PABPC4L: variants seen among roughly 807,000 people sequenced by gnomAD.
PABPC4L encodes polyadenylate-binding protein 4-like.
For missense variants in PABPC4L, 452 were observed against 451.4 expected, an observed-to-expected ratio of 1.00 and a Z score of -0.01; for synonymous variants, 169 against 164.1, an observed-to-expected ratio of 1.03 and a Z score of -0.23.
the PABPC4L span, among the ~76,000 whole-genome samples, chr4:134,015,596 C>G: frequency 6.6e-6 from 1 of 152,128 alleles, no homozygotes. Flanking sequence ...TGTTACCTAT[C>G]TCGGCATAAT....
the PABPC4L span, among the ~76,000 whole-genome samples, chr4:134,122,648 T>C: frequency 6.6e-6 from 1 of 151,968 alleles, no homozygotes; most frequent in South Asian, 2.1e-4. Flanking sequence ...TAAAACAAAC[T>C]TGATAGCATT....
the PABPC4L span, among the ~76,000 whole-genome samples, chr4:134,057,235 C>T: frequency 6.6e-6 from 1 of 152,154 alleles, no homozygotes; most frequent in South Asian, 2.1e-4. Context: ...AGAGAAGCCT[C>T]TGAGCCTTTT....
chr4:133,960,714 C>T, the PABPC4L span, among the ~76,000 whole-genome samples: 3 of 152,088 alleles, frequency 2.0e-5, no homozygotes, highest in Admixed American at 6.5e-5. Flanking sequence ...ACAGACTTGG[C>T]TGTTAGGGGG....
At chr4:134,130,989 C>T in the PABPC4L span, among the ~76,000 whole-genome samples, 5 of 152,042 alleles carry the variant, frequency 3.3e-5, no homozygotes, top group African/African-American at 7.2e-5. Context: ...CAAAATACAT[C>T]ATCCCTTTAT....
chr4:134,072,067 T>C, the PABPC4L span, among the ~76,000 whole-genome samples: 1 of 152,114 alleles, frequency 6.6e-6, no homozygotes, highest in African/African-American at 2.4e-5. Flanking sequence ...TTCTAGGGCC[T>C]GCAAAATTAG....
the PABPC4L span, among the ~76,000 whole-genome samples, chr4:133,980,578 C>T: frequency 2.0e-5 from 3 of 152,084 alleles, no homozygotes; most frequent in Non-Finnish European, 4.4e-5. Context: ...TAGTTACTGG[C>T]TTGTCCAATA....
chr4:134,133,126 CATATTACATAT>C, the PABPC4L span, among the ~76,000 whole-genome samples: 1 of 16,566 alleles, frequency 6.0e-5, no homozygotes, highest in African/African-American at 6.5e-4. Flanking sequence ...TATAATATAT[CATATTACATAT>C]AATTATATAT....
chr4:134,020,540 G>T, the PABPC4L span, among the ~76,000 whole-genome samples: 1 of 151,958 alleles, frequency 6.6e-6, no homozygotes, highest in African/African-American at 2.4e-5. Flanking sequence ...AACTTTCTGG[G>T]GAGGGAAACC....
chr4:134,088,637 C>T, the PABPC4L span, among the ~76,000 whole-genome samples: 1 of 152,026 alleles, frequency 6.6e-6, no homozygotes, highest in East Asian at 1.9e-4. Context: ...GGTTTGTTTT[C>T]TGCTCTTCCT....
the PABPC4L span, among the ~76,000 whole-genome samples, chr4:133,998,897 T>C: frequency 6.6e-6 from 1 of 152,030 alleles, no homozygotes; most frequent in Non-Finnish European, 1.5e-5. Context: ...CTAAGTTGCT[T>C]GGGTAAACAT....
the PABPC4L span, among the ~76,000 whole-genome samples, chr4:134,036,460 T>C: frequency 2.0e-5 from 3 of 152,152 alleles, no homozygotes; most frequent in African/African-American, 7.2e-5. Context: ...GCAAGAAATT[T>C]CAGTAAATCA....
chr4:134,099,880 C>G, the PABPC4L span, among the ~76,000 whole-genome samples: 3 of 151,672 alleles, frequency 2.0e-5, no homozygotes, highest in Non-Finnish European at 4.4e-5. Context: ...AACACCTATC[C>G]AGTTTCAATT....
At chr4:134,034,713 A>T in the PABPC4L span, among the ~76,000 whole-genome samples, 1 of 152,006 alleles carries the variant, frequency 6.6e-6, no homozygotes, top group Non-Finnish European at 1.5e-5. Flanking sequence ...GAGCCTGAAG[A>T]TGTGACTGAA....
the PABPC4L span, among the ~76,000 whole-genome samples, chr4:134,015,106 C>A: frequency 8.5e-5 from 13 of 152,132 alleles, no homozygotes; most frequent in East Asian, 2.3e-3. Flanking sequence ...ATCATGCAAC[C>A]CTTACCATCT....
chr4:133,960,404 C>T, the PABPC4L span, among the ~76,000 whole-genome samples: 17 of 152,260 alleles, frequency 1.1e-4, no homozygotes, highest in East Asian at 1.5e-3. Context: ...AGAGGAGCAA[C>T]GGAAAGACCC....
At chr4:134,111,437 T>TAC in the PABPC4L span, among the ~76,000 whole-genome samples, 2 of 151,692 alleles carry the variant, frequency 1.3e-5, no homozygotes, top group African/African-American at 4.9e-5. Context: ...TATAGATAGA[T>TAC]ACACACACAC....
chr4:134,087,118 G>A, the PABPC4L span, among the ~76,000 whole-genome samples: 1 of 151,986 alleles, frequency 6.6e-6, no homozygotes, highest in Non-Finnish European at 1.5e-5. Context: ...CTGCTATAAA[G>A]ACACATGCAC....
chr4:134,002,393 T>C, the PABPC4L span, among the ~76,000 whole-genome samples: 142 of 152,070 alleles, frequency 9.3e-4, no homozygotes, highest in Non-Finnish European at 1.4e-3. Context: ...CATGTCTGAA[T>C]TTAATGAAAG....
chr4:134,067,287 C>A, the PABPC4L span, among the ~76,000 whole-genome samples: 62 of 152,104 alleles, frequency 4.1e-4, no homozygotes, highest in African/African-American at 1.3e-3. Context: ...ATAGTTTATC[C>A]ATTTCTTCTA....
Sources: allele counts gnomAD v4.1 joint callset (sites outside exome capture counted in the v4.1 genomes callset), GRCh38; gene constraint gnomAD v4.1.1; transcripts MANE v1.5; gene names NCBI Gene and HGNC (gene_info 2026-07-23, HGNC 2026-07-21).